Variants in ZPBP observed in about 807,000 individuals in gnomAD.
ZPBP encodes the protein zona pellucida binding protein.
ZPBP carries 26 observed loss-of-function variants against 44.8 expected under a neutral mutation model. That is an observed-to-expected ratio of 0.58 (90% confidence interval 0.43 to 0.81). The LOEUF (loss-of-function observed/expected upper bound fraction) is 0.81, where lower values mean the gene tolerates loss of function less well. Ranked by LOEUF, ZPBP falls within the 30% of genes least tolerant of loss-of-function variation. The pLI is 0.00. For missense variants in ZPBP, 409 were observed against 434.0 expected (o/e 0.94, Z 0.51); for synonymous variants, 174 against 153.2 (o/e 1.14, Z -1.00).
intron 1 of ZPBP, among the ~76,000 whole-genome samples, chr7:49,905,754 G>A (rs1793052024): frequency 6.6e-6 from 1 of 151,256 alleles, no homozygotes; most frequent in South Asian, 2.1e-4. Flanking sequence ...TAAGTCACGA[G>A]ATAGGATGTT....
intron 6 of ZPBP, 63 bp downstream of exon 6, chr7:50,018,177 A>T: frequency 8.4e-7 from 1 of 1,193,446 alleles, no homozygotes; most frequent in Non-Finnish European, 1.2e-6. Flanking sequence ...TAGGATGCTT[A>T]CTTACACATG....
downstream of ZPBP, among the ~76,000 whole-genome samples, chr7:49,845,728 A>G (rs573045931): frequency 6.6e-6 from 1 of 152,350 alleles, no homozygotes; most frequent in East Asian, 1.9e-4. Flanking sequence ...AATTAAACCC[A>G]AGAGCACTTC....
chr7:49,963,353 C>T (rs1198719242), intron 7 of ZPBP, among the ~76,000 whole-genome samples: 1 of 151,590 alleles, frequency 6.6e-6, no homozygotes, highest in Non-Finnish European at 1.5e-5. Flanking sequence ...TTATATTTAC[C>T]ATATCACTCC....
At chr7:49,880,276 A>C (rs1278068428) in intron 2 of ZPBP, among the ~76,000 whole-genome samples, 2 of 152,166 alleles carry the variant, frequency 1.3e-5, no homozygotes, top group Non-Finnish European at 2.9e-5. Flanking sequence ...ATAGAACCAC[A>C]CTTGCATTTC....
In ZPBP at chr7:49,937,622, A is replaced by G. The variant is rs769850584; in HGVS notation, c.962T>C (p.Val321Ala). 1.2e-6 allele frequency: 2 copies of G among 1,612,332 alleles called. No individual in the cohort carries two copies. Among genetic ancestry groups the G allele is most frequent in the Non-Finnish European group, 1.7e-6 (2 of 1,178,430 alleles). The change falls in exon 8 of 8, where the codon GTG (valine) becomes GCG (alanine). Residue 321 changes from valine (V) to alanine (A), a missense_variant and splice_region_variant. This residue lies in a region of ZPBP where 42 missense variants were observed against 71.0 expected (regional missense o/e 0.59). Coordinates refer to ENST00000046087, the MANE Select transcript of ZPBP (RefSeq NM_007009.3). Reference protein sequence around the residue: ...QQHPKCPECCVICSPGSYNPR... With the variant: ...QQHPKCPECCAICSPGSYNPR... ...GTTATATGATCCAGGGCTGCAGATC[A>G]CTGTGAAAAAAGAGTAAGTTAATAA...
intron 4 of ZPBP, among the ~76,000 whole-genome samples, chr7:50,047,634 G>A (rs1211424080): frequency 6.9e-6 from 1 of 145,688 alleles, no homozygotes; most frequent in Non-Finnish European, 1.5e-5. Flanking sequence ...ATAGCACTCT[G>A]CTCATAGAAG....
intron 7 of ZPBP, among the ~76,000 whole-genome samples, chr7:49,977,002 T>G (rs1796549261): frequency 6.6e-6 from 1 of 151,706 alleles, no homozygotes; most frequent in South Asian, 2.1e-4. Flanking sequence ...CTCGGGCGCC[T>G]GAGGCAGGAG....
intron 4 of ZPBP, among the ~76,000 whole-genome samples, chr7:50,051,669 T>A (rs1003948310): frequency 1.5e-4 from 23 of 152,106 alleles, no homozygotes; most frequent in African/African-American, 5.6e-4. Context: ...GGGACATGGA[T>A]GGAGCTGGAA....
At chr7:49,897,350 A>G (rs1792441175) in intron 2 of ZPBP, among the ~76,000 whole-genome samples, 2 of 152,238 alleles carry the variant, frequency 1.3e-5, no homozygotes, top group Non-Finnish European at 2.9e-5. Flanking sequence ...TGAAAAAAAT[A>G]CAGGTCAATA....
intron 2 of ZPBP, among the ~76,000 whole-genome samples, chr7:49,857,266 T>C (rs772118148): frequency 1.5e-4 from 23 of 152,182 alleles, no homozygotes; most frequent in Non-Finnish European, 3.2e-4. Context: ...CGACTTTATA[T>C]AAATGGAATC....
intron 2 of ZPBP, among the ~76,000 whole-genome samples, chr7:49,866,686 G>A (rs1397835687): frequency 1.3e-5 from 2 of 152,166 alleles, no homozygotes; most frequent in Non-Finnish European, 2.9e-5. Context: ...CAGGATTGTG[G>A]TGCATTACTA....
intron 3 of ZPBP, among the ~76,000 whole-genome samples, chr7:50,080,367 A>G (rs1584190706): frequency 6.6e-6 from 1 of 151,772 alleles, no homozygotes; most frequent in South Asian, 2.1e-4. Context: ...TAACAGGATT[A>G]TATCTTTACC....
intron 4 of ZPBP, among the ~76,000 whole-genome samples, chr7:50,045,584 T>C (rs1800312699): frequency 6.6e-6 from 1 of 152,104 alleles, no homozygotes. Context: ...GAATACAACT[T>C]ACACGGGATG....
At chr7:49,987,069 T>A (rs1046827691) in intron 6 of ZPBP, among the ~76,000 whole-genome samples, 1 of 152,118 alleles carries the variant, frequency 6.6e-6, no homozygotes, top group Non-Finnish European at 1.5e-5. Context: ...TGGTTTGATA[T>A]CTGTGTGACC....
At chr7:49,954,702 A>G (rs1403816743) in intron 7 of ZPBP, among the ~76,000 whole-genome samples, 4 of 152,204 alleles carry the variant, frequency 2.6e-5, no homozygotes, top group Non-Finnish European at 4.4e-5. Flanking sequence ...CTAAATGTCT[A>G]TTTAACTAGT....
chr7:49,910,230 G>A (rs1232110588), intron 1 of ZPBP, among the ~76,000 whole-genome samples: 4 of 152,292 alleles, frequency 2.6e-5, no homozygotes, highest in East Asian at 1.9e-4. Flanking sequence ...CCTCCTGGGC[G>A]AACTCGAAAA....
At chr7:49,969,937 G>A (rs945284398) in intron 7 of ZPBP, among the ~76,000 whole-genome samples, 4 of 152,020 alleles carry the variant, frequency 2.6e-5, no homozygotes, top group Non-Finnish European at 5.9e-5. Context: ...TCAGCTTACT[G>A]AAACTTCTGC....
At chr7:50,001,628 A>G (rs892022924) in intron 6 of ZPBP, among the ~76,000 whole-genome samples, 3 of 152,178 alleles carry the variant, frequency 2.0e-5, no homozygotes, top group Non-Finnish European at 4.4e-5. Context: ...CAAGACACAC[A>G]CTGGGCATCT....
chr7:49,895,439 C>A (rs1036989140), intron 2 of ZPBP, among the ~76,000 whole-genome samples: 1 of 152,142 alleles, frequency 6.6e-6, no homozygotes, highest in Non-Finnish European at 1.5e-5. Context: ...CTCATGGAGT[C>A]CAGATGGTAT....
Sources: allele counts gnomAD v4.1 joint callset (sites outside exome capture counted in the v4.1 genomes callset), GRCh38; gene constraint gnomAD v4.1.1; regional missense constraint gnomAD v4.1.1; transcripts MANE v1.5; gene names NCBI Gene and HGNC (gene_info 2026-07-23, HGNC 2026-07-21).